The following XCR1 variants were observed in gnomAD, a reference collection of about 807,000 sequenced individuals.
XCR1 encodes the protein chemokine XC receptor 1.
For missense variants in XCR1, 356 were observed against 424.2 expected (o/e 0.84, Z 1.41); for synonymous variants, 187 against 188.5 (o/e 0.99, Z 0.06).
intron 4 of XCR1, among the ~76,000 whole-genome samples, chr3:46,059,019 A>G (rs1697911066): frequency 6.6e-6 from 1 of 152,142 alleles, no homozygotes; most frequent in Non-Finnish European, 1.5e-5. Context: ...CAGCCCTTTT[A>G]CTGCTGTCTG....
chr3:46,032,679 T>C (rs1708422453), intron 5 of XCR1, among the ~76,000 whole-genome samples: 4 of 152,228 alleles, frequency 2.6e-5, no homozygotes, highest in Non-Finnish European at 4.4e-5. Context: ...AGACTATGTT[T>C]AGCTTTGTAA....
At chr3:46,028,626 C>G (rs1708343985), upstream of XCR1, among the ~76,000 whole-genome samples, 1 of 151,180 alleles carries the variant, frequency 6.6e-6, no homozygotes, top group African/African-American at 2.4e-5. Flanking sequence ...GGCCCTCACT[C>G]TGTCACCCAG....
In XCR1 at chr3:46,021,830, G is replaced by C. The variant is rs746417273; in HGVS notation, c.118C>G (p.Leu40Val). Residue 40 changes from leucine (L) to valine (V), a missense_variant, in exon 2 of 2, where the codon CTG becomes GTG. Transcript: ENST00000309285. This position sits in a 1 kb window ranked among gnomAD's most constrained non-coding sequence, Gnocchi z 4.7. ...CCCACTAGGCTGAGGAGAAACACCAGGCAGTATAGGACAGTGGTGGCGAGG... is the reference window on the plus strand; with the variant it reads ...CCCACTAGGCTGAGGAGAAACACCACGCAGTATAGGACAGTGGTGGCGAGG... Reference protein sequence around the residue: ...ATLATTVLYCLVFLLSLVGNS... With the variant: ...ATLATTVLYCVVFLLSLVGNS... 1 of 1,614,102 alleles carries C rather than the reference G, an allele frequency of 6.2e-7. No homozygotes were observed. The highest frequency in any genetic ancestry group is 8.5e-7 in the Non-Finnish European group (1 of 1,180,006).
chr3:46,084,621 C>T (rs1698438203), intron 1 of XCR1, among the ~76,000 whole-genome samples: 1 of 152,194 alleles, frequency 6.6e-6, no homozygotes, highest in African/African-American at 2.4e-5. Flanking sequence ...TCCTTGCTTT[C>T]TTTTTGTCTT....
rs189828394 is a variant in XCR1, at chr3:46,043,637, C to A, written c.-32+10283G>T. Among the ~76,000 whole-genome samples, 4 of 151,238 alleles carry A rather than the reference C, an allele frequency of 2.6e-5. No individual in the cohort carries two copies. The East Asian group carries it at 5.9e-4, about 22-fold the overall frequency. Reference sequence around the variant, plus strand: ...ATGGCTTACTCCTGTGATCTCAGCACTTTTGGAGGCCAAGGCAGGAGGATT... The same window carrying A: ...ATGGCTTACTCCTGTGATCTCAGCAATTTTGGAGGCCAAGGCAGGAGGATT... On this transcript the variant is annotated intron_variant, in intron 5 of 5. Coordinates refer to the XCR1 transcript ENST00000683768.
At chr3:46,070,159 T>C (rs891920473) in intron 3 of XCR1, among the ~76,000 whole-genome samples, 1 of 152,140 alleles carries the variant, frequency 6.6e-6, no homozygotes, top group African/African-American at 2.4e-5. Flanking sequence ...CTTGATATGA[T>C]TTTGATCTTT....
At chr3:46,084,579 T>C (rs1698437603) in intron 1 of XCR1, among the ~76,000 whole-genome samples, 1 of 152,216 alleles carries the variant, frequency 6.6e-6, no homozygotes, top group Admixed American at 6.5e-5. Context: ...TATAAACCAA[T>C]GAGAATTCCT....
chr3:46,033,788 C>G (rs143826668), intron 5 of XCR1, among the ~76,000 whole-genome samples: 7 of 152,082 alleles, frequency 4.6e-5, no homozygotes, highest in African/African-American at 7.2e-5. Context: ...GTCTTCTTAT[C>G]CTTAAACATG....
At position 46,021,888 on chromosome 3, in the gene XCR1, C is replaced by T; in HGVS notation, c.60G>A (p.Gln20=). The change falls in exon 2 of 2, where the codon CAG becomes CAA. Residue 20 remains glutamine, a synonymous_variant. Coordinates refer to ENST00000309285, the MANE Select transcript of XCR1 (RefSeq NM_001024644.2). This position sits in a 1 kb window ranked among gnomAD's most constrained non-coding sequence, Gnocchi z 4.7. ...TTFFYYDLQS[Q]PCENQAWVFA... is the part of the protein sequence containing the mutation. ...AGACCCAGGCCTGGTTCTCACACGG[C>T]TGGCTCTGAAGGTCATAGTAAAAAA... 3 of 1,614,074 alleles carry T rather than the reference C, an allele frequency of 1.9e-6. No individual in the cohort carries two copies. The highest frequency in any genetic ancestry group is 2.5e-6 in the Non-Finnish European group (3 of 1,180,008).
At chr3:46,040,339 A>C (rs1697517815) in intron 5 of XCR1, among the ~76,000 whole-genome samples, 1 of 151,984 alleles carries the variant, frequency 6.6e-6, no homozygotes, top group Non-Finnish European at 1.5e-5. Context: ...CAGACTTTAC[A>C]ATAGCAAAAT....
chr3:46,020,944 C>T lies in XCR1; in HGVS notation c.*2G>A, dbSNP rs1251908941. 1.2e-6 allele frequency: 2 copies of T among 1,611,194 alleles called. No homozygotes were observed. The highest frequency in any genetic ancestry group is 1.7e-5 in the Admixed American group (1 of 59,812). ...ACCTGCGCCTGCACCGCCACAGGCC[C>T]CTCAGTAGAAGGAGGCGCCCTCATA... On this transcript the variant is annotated 3_prime_UTR_variant, in exon 2 of 2. Transcript: ENST00000309285.
intron 2 of XCR1, among the ~76,000 whole-genome samples, chr3:46,075,328 A>C (rs911308035): frequency 1.1e-4 from 16 of 150,518 alleles, no homozygotes; most frequent in Non-Finnish European, 1.5e-4. Context: ...AAAAAAAAAA[A>C]AACAACAAAA....
chr3:46,037,215 C>G lies in XCR1; in HGVS notation c.-31-15237G>C, dbSNP rs562822230. 2.0e-4 allele frequency among the ~76,000 whole-genome samples: 31 copies of G among 152,050 alleles called. No individual in the cohort carries two copies. The South Asian group carries it at 6.4e-3, about 32-fold the overall frequency. On this transcript the variant is annotated intron_variant, in intron 5 of 5. Coordinates refer to the XCR1 transcript ENST00000683768. ...TAAAAGCTACCCAAAAATGTGTGTT[C>G]TTAGTGAGAAAAAGAATAATTTTGT...
At chr3:46,052,484 A>G (rs909177137) in intron 5 of XCR1, among the ~76,000 whole-genome samples, 1 of 152,144 alleles carries the variant, frequency 6.6e-6, no homozygotes, top group Admixed American at 6.5e-5. Flanking sequence ...TGGGTGGGGC[A>G]CTGCATTGTA....
chr3:46,025,809 C>T (rs1279190775), intron 1 of XCR1, among the ~76,000 whole-genome samples: 1 of 152,126 alleles, frequency 6.6e-6, no homozygotes, highest in Non-Finnish European at 1.5e-5. Flanking sequence ...GGAATATTTT[C>T]TAACTCCTTT....
chr3:46,049,322 G>A (rs1575424759), intron 5 of XCR1, among the ~76,000 whole-genome samples: 3 of 152,160 alleles, frequency 2.0e-5, no homozygotes, highest in East Asian at 1.9e-4. Flanking sequence ...GAGTAAGGGC[G>A]GAAGTATTTT....
intron 5 of XCR1, among the ~76,000 whole-genome samples, chr3:46,041,719 G>C (rs1249057454): frequency 6.6e-6 from 1 of 152,188 alleles, no homozygotes; most frequent in African/African-American, 2.4e-5. Flanking sequence ...TTTTAGCTGA[G>C]TTCCTTCCCC....
rs1377490092 is a variant in XCR1 at position 46,020,166 on chromosome 3, C to T, written c.*780G>A. ...ATGCCTTCACCAAGGTGGGTGTTCACCAAGGTAGGTGAGCCTTTGGAGCTG... is the reference window on the plus strand; with the variant it reads ...ATGCCTTCACCAAGGTGGGTGTTCATCAAGGTAGGTGAGCCTTTGGAGCTG... On this transcript the variant is annotated 3_prime_UTR_variant, in exon 2 of 2. Transcript: ENST00000309285. 1 of 152,276 alleles carries T rather than the reference C, an allele frequency of 6.6e-6. No homozygotes were observed. Among genetic ancestry groups the T allele is most frequent in the African/African-American group, 2.4e-5 (1 of 41,464 alleles). 9.4% of individuals were successfully genotyped at this position (152,276 alleles called of 1,614,324 possible).
intron 1 of XCR1, among the ~76,000 whole-genome samples, chr3:46,079,114 A>G (rs1381907364): frequency 6.6e-6 from 1 of 152,210 alleles, no homozygotes; most frequent in Non-Finnish European, 1.5e-5. Context: ...GTCATTTTTA[A>G]GAAGTTCCTA....
Sources: gnomAD v4.1 joint callset for allele counts (sites outside exome capture counted in the v4.1 genomes callset) on GRCh38, gnomAD v4.1.1 for gene constraint, Gnocchi (gnomAD v3.1) non-coding constraint, MANE v1.5 for transcripts, NCBI Gene and HGNC (gene_info 2026-07-23, HGNC 2026-07-21) for gene names.